The following COL22A1 variants were observed in gnomAD, a reference collection of about 807,000 sequenced individuals.
The protein encoded by COL22A1 is collagen type XXII alpha 1 chain.
A neutral mutation model predicts 248.9 loss-of-function variants in COL22A1; 221 were observed. The observed-to-expected ratio is 0.89, with a 90% CI of 0.80 to 0.99. The LOEUF (loss-of-function observed/expected upper bound fraction) is 0.99, where lower values mean the gene tolerates loss of function less well. COL22A1 is among the 50% of genes least tolerant of loss of function. The probability of loss-of-function intolerance (pLI) is 0.00; values close to 1 mark genes in which losing one functional copy is unlikely to be tolerated. For synonymous variants in COL22A1, 891 were observed against 793.4 expected (o/e 1.12, Z -2.07); for missense variants, 2,240 against 2,179.0 (o/e 1.03, Z -0.56).
At chr8:138,783,355 AG>A (rs1815212768) in intron 12 of COL22A1, among the ~76,000 whole-genome samples, 1 of 152,132 alleles carries the variant, frequency 6.6e-6, no homozygotes, top group South Asian at 2.1e-4. Flanking sequence ...GTCCCACAAT[AG>A]GCCATCTGCA....
intron 3 of COL22A1, among the ~76,000 whole-genome samples, chr8:138,846,609 C>T (rs1821261310): frequency 6.6e-6 from 1 of 152,074 alleles, no homozygotes; most frequent in Non-Finnish European, 1.5e-5. Context: ...CTCCAGCCAG[C>T]CTTCCTGGGG....
chr8:138,606,415 C>T lies in COL22A1; in HGVS notation c.4070G>A (p.Gly1357Glu). The T allele has an allele frequency of 6.2e-7, 1 of 1,613,606 alleles. No individual in the cohort carries two copies. Among genetic ancestry groups the T allele is most frequent in the East Asian group, 2.2e-5 (1 of 44,852 alleles). ...ACGGGGACCCAGGAAGCCAGGAAGT[C>T]CTGGGCTGCCATTTTCCCCTTTGCT... ...KGSKGENGSP[G>E]LPGFLGPRGP... The change falls in exon 58 of 65, where the codon GGA becomes GAA. Residue 1357 changes from glycine (G) to glutamate (E), a missense_variant. Physicochemically the swap from Gly to Glu is moderately conservative, Grantham distance 98. Coordinates refer to ENST00000303045, the MANE Select transcript of COL22A1 (RefSeq NM_152888.3).
intron 3 of COL22A1, among the ~76,000 whole-genome samples, chr8:138,866,055 G>A (rs933909300): frequency 1.3e-5 from 2 of 151,956 alleles, no homozygotes; most frequent in African/African-American, 4.8e-5. Flanking sequence ...GTTTGTGTGG[G>A]GGTAAATTCA....
chr8:138,822,026 T>C (rs1238104120), intron 6 of COL22A1, among the ~76,000 whole-genome samples: 1 of 133,934 alleles, frequency 7.5e-6, no homozygotes, highest in Non-Finnish European at 1.7e-5. Context: ...ACTGTTTTAC[T>C]TCCGATTTTT....
chr8:138,589,163 G>C lies in COL22A1; in HGVS notation c.*90C>G, dbSNP rs1334638463. 22 of 1,200,610 alleles carry C rather than the reference G, an allele frequency of 1.8e-5. No individual in the cohort carries two copies. In the South Asian group the frequency reaches 2.9e-4, roughly 16 times the overall value. The allele number at this position is 1,200,610 out of a possible 1,614,324, so 74.4% of individuals were successfully genotyped here. A position where few individuals can be genotyped will look rare whatever the true frequency, so the allele number is the denominator to read the frequency against. ...GAAAGAAAAAAAAAAGGAACACATGGCTGAAGTCTTTCAAGACCTCTGGCT... is the reference window on the plus strand; with the variant it reads ...GAAAGAAAAAAAAAAGGAACACATGCCTGAAGTCTTTCAAGACCTCTGGCT... On this transcript the variant is annotated 3_prime_UTR_variant, in exon 65 of 65. Transcript: ENST00000303045.
intron 35 of COL22A1, among the ~76,000 whole-genome samples, chr8:138,693,137 C>A (rs80250028): frequency 0.025 from 3,837 of 152,256 alleles, 173 homozygotes; most frequent in African/African-American, 0.087. Context: ...GCCAGCCCCA[C>A]GGGGATCAAA....
chr8:138,660,576 G>A (rs562800145), intron 43 of COL22A1, 96 bp from the exon 44 acceptor site: 9 of 1,089,764 alleles, frequency 8.3e-6, no homozygotes, highest in Admixed American at 1.9e-5. Context: ...TCTGCTAAGT[G>A]TAACTCAGTG....
chr8:138,893,711 G>A (rs1283512033), intron 1 of COL22A1, among the ~76,000 whole-genome samples: 2 of 152,202 alleles, frequency 1.3e-5, no homozygotes, highest in Non-Finnish European at 2.9e-5. Flanking sequence ...ACTGCATAGG[G>A]GTAATGTGTA....
At chr8:138,718,321 G>T (rs952864269) in intron 27 of COL22A1, among the ~76,000 whole-genome samples, 4 of 152,114 alleles carry the variant, frequency 2.6e-5, no homozygotes, top group African/African-American at 9.7e-5. Flanking sequence ...CACTCAAATT[G>T]TTGCTTTCAA....
chr8:138,627,404 T>C (rs1472993546), intron 50 of COL22A1, among the ~76,000 whole-genome samples: 1 of 152,220 alleles, frequency 6.6e-6, no homozygotes, highest in Non-Finnish European at 1.5e-5. Flanking sequence ...TGATTTTGCA[T>C]TAAATGTTTG....
Position 138,677,402 on chromosome 8 carries a change from C to T in COL22A1, c.3073-767G>A, listed in dbSNP as rs560676406. On this transcript the variant is annotated intron_variant, in intron 40 of 64. Transcript: ENST00000303045. ...TAGGAGTTGTGTTTGCTTCTGTTCT[C>T]GTTGTACTGCCATGCTGGACTTTGA... Among the ~76,000 whole-genome samples the T allele has an allele frequency of 5.3e-5, 8 of 152,284 alleles. No individual in the cohort carries two copies. In the East Asian group the frequency reaches 1.5e-3, roughly 29 times the overall value.
At chr8:138,751,375 G>A (rs565649322) in intron 22 of COL22A1, 83 bp downstream of exon 22, 3 of 949,376 alleles carry the variant, frequency 3.2e-6, no homozygotes, top group Middle Eastern at 2.2e-4. Flanking sequence ...AACTGACACT[G>A]TCTATCTTCT....
chr8:138,760,399 C>T (rs1833377247), intron 17 of COL22A1, 112 bp from the exon 18 acceptor site: 1 of 998,462 alleles, frequency 1.0e-6, no homozygotes, highest in African/African-American at 1.7e-5. Flanking sequence ...GACTTTTCTT[C>T]AGAAGCCAAA....
chr8:138,713,234 G>A (rs977465137), intron 30 of COL22A1, among the ~76,000 whole-genome samples: 4 of 152,032 alleles, frequency 2.6e-5, no homozygotes, highest in African/African-American at 7.2e-5. Context: ...AGGTTTTGTC[G>A]TGGATGGGGT....
intron 16 of COL22A1, among the ~76,000 whole-genome samples, chr8:138,763,025 G>A (rs887633534): frequency 1.3e-5 from 2 of 152,104 alleles, no homozygotes; most frequent in Non-Finnish European, 2.9e-5. Flanking sequence ...ACCTCTCTGA[G>A]AGTGTTTTGA....
chr8:138,782,004 T>G (rs1815055299), intron 12 of COL22A1, among the ~76,000 whole-genome samples: 1 of 152,280 alleles, frequency 6.6e-6, no homozygotes, highest in Non-Finnish European at 1.5e-5. Context: ...AGATATGTAT[T>G]ATTTTCTCAA....
At chr8:138,789,880 T>G (rs1172668711) in intron 12 of COL22A1, among the ~76,000 whole-genome samples, 1 of 152,252 alleles carries the variant, frequency 6.6e-6, no homozygotes, top group Non-Finnish European at 1.5e-5. Context: ...GATGTCATGA[T>G]TCTTCCCAGT....
intron 1 of COL22A1, among the ~76,000 whole-genome samples, chr8:138,894,719 T>C (rs564285578): frequency 2.1e-3 from 319 of 152,304 alleles, no homozygotes; most frequent in Non-Finnish European, 3.0e-3. Context: ...AGAAGCCCCA[T>C]ATGTCCCATC....
chr8:138,665,285 C>T (rs796411837), intron 41 of COL22A1, among the ~76,000 whole-genome samples: 5 of 152,284 alleles, frequency 3.3e-5, no homozygotes, highest in African/African-American at 1.2e-4. Flanking sequence ...AGGCTGGAAG[C>T]CCTTTTGATC....
Sources: allele counts gnomAD v4.1 joint callset (sites outside exome capture counted in the v4.1 genomes callset), GRCh38; gene constraint gnomAD v4.1.1; transcripts MANE v1.5; gene names NCBI Gene and HGNC (gene_info 2026-07-23, HGNC 2026-07-21).